LAPTM4B: variants seen among roughly 807,000 people sequenced by gnomAD.
LAPTM4B encodes lysosomal-associated transmembrane protein 4B.
A neutral mutation model predicts 28.5 loss-of-function variants in LAPTM4B; 26 were observed. The observed-to-expected ratio is 0.91, with a 90% CI of 0.67 to 1.27. The LOEUF (loss-of-function observed/expected upper bound fraction) is 1.27, where lower values mean the gene tolerates loss of function less well. LAPTM4B is among the 50% of genes most tolerant of loss of function. LAPTM4B has a pLI of 0.00. For missense variants in LAPTM4B, 288 were observed against 285.8 expected, an observed-to-expected ratio of 1.01 and a Z score of -0.06; for synonymous variants, 109 against 106.4, an observed-to-expected ratio of 1.02 and a Z score of -0.15.
At chr8:97,828,690 G>C (rs1322603415) in intron 6 of LAPTM4B, among the ~76,000 whole-genome samples, 1 of 152,168 alleles carries the variant, frequency 6.6e-6, no homozygotes, top group Non-Finnish European at 1.5e-5. Flanking sequence ...AGCGATTTTG[G>C]AGGACAACTG....
intron 6 of LAPTM4B, among the ~76,000 whole-genome samples, chr8:97,849,918 T>C (rs2129864465): frequency 6.7e-6 from 1 of 149,292 alleles, no homozygotes; most frequent in Non-Finnish European, 1.5e-5. Flanking sequence ...TGGCAGCGCC[T>C]CTCAGGCGGT....
intron 6 of LAPTM4B, among the ~76,000 whole-genome samples, chr8:97,848,988 G>T (rs1281437232): frequency 6.6e-6 from 1 of 152,232 alleles, no homozygotes; most frequent in Non-Finnish European, 1.5e-5. Context: ...GCTGTTGTTA[G>T]ATACTGGCTA....
At chr8:97,780,215 A>G (rs1045353709) in intron 1 of LAPTM4B, among the ~76,000 whole-genome samples, 7 of 151,986 alleles carry the variant, frequency 4.6e-5, no homozygotes, top group East Asian at 3.9e-4. Flanking sequence ...ACCTGAGGTC[A>G]GGAGTTTTGA....
At chr8:97,804,034 A>T (rs1816725998) in intron 1 of LAPTM4B, among the ~76,000 whole-genome samples, 2 of 152,378 alleles carry the variant, frequency 1.3e-5, no homozygotes, top group South Asian at 2.1e-4. Context: ...TGAGAAGAGT[A>T]AAACATAGAA....
intron 1 of LAPTM4B, among the ~76,000 whole-genome samples, chr8:97,782,961 C>T (rs1359712426): frequency 4.1e-5 from 5 of 122,098 alleles, no homozygotes; most frequent in South Asian, 2.5e-4. Flanking sequence ...TTAGTAGAGA[C>T]GGGGTTTCTC....
intron 1 of LAPTM4B, among the ~76,000 whole-genome samples, chr8:97,796,701 A>G (rs958594269): frequency 1.3e-5 from 2 of 152,094 alleles, no homozygotes; most frequent in African/African-American, 4.8e-5. Context: ...GCACTTTGGG[A>G]GGCTGTGGTG....
chr8:97,806,912 C>T lies in LAPTM4B; in HGVS notation c.211+1448C>T, dbSNP rs564476491. The stretch of plus-strand genomic sequence containing the variant: ...GGCGGAGGTTGCAGTGAGCCGAGAT[C>T]GCGCCAGTGCACTTCAGCCTGGGCA... On this transcript the variant is annotated intron_variant, in intron 2 of 6. Coordinates refer to ENST00000521545, the MANE Select transcript of LAPTM4B (RefSeq NM_018407.6). Among the ~76,000 whole-genome samples the T allele has an allele frequency of 1.1e-4, 17 of 152,212 alleles. No individual in the cohort carries two copies. The South Asian group carries it at 1.7e-3, about 15-fold the overall frequency.
At chr8:97,782,910 A>T (rs190757038) in intron 1 of LAPTM4B, among the ~76,000 whole-genome samples, 113 of 132,058 alleles carry the variant, frequency 8.6e-4, no homozygotes, top group Admixed American at 2.3e-3. Flanking sequence ...TTTGTATTTT[A>T]TTTATTTATT....
intron 6 of LAPTM4B, 32 bp downstream of exon 6, chr8:97,825,185 C>A: frequency 8.9e-7 from 1 of 1,125,450 alleles, no homozygotes; most frequent in Non-Finnish European, 1.4e-6. Flanking sequence ...GTAGAGATCT[C>A]GCCCACACCT....
chr8:97,843,557 C>A (rs1817383262), intron 6 of LAPTM4B, among the ~76,000 whole-genome samples: 1 of 152,038 alleles, frequency 6.6e-6, no homozygotes, highest in Non-Finnish European at 1.5e-5. Context: ...GCGAGCAGGT[C>A]ACCTGAGGTT....
intron 1 of LAPTM4B, among the ~76,000 whole-genome samples, chr8:97,782,279 C>CTTTTTTTT (rs34322160): frequency 1.2e-4 from 6 of 50,254 alleles, no homozygotes; most frequent in South Asian, 1.3e-3. Flanking sequence ...CCATGCCCAG[C>CTTTTTTTT]TTTTTTTTTT....
chr8:97,811,173 C>T (rs1013155403), intron 2 of LAPTM4B, among the ~76,000 whole-genome samples: 3 of 152,280 alleles, frequency 2.0e-5, no homozygotes, highest in Admixed American at 6.5e-5. Context: ...ATGTAAATCA[C>T]GCCAACCACT....
intron 2 of LAPTM4B, among the ~76,000 whole-genome samples, chr8:97,811,450 A>T (rs1489267521): frequency 6.6e-6 from 1 of 152,212 alleles, no homozygotes; most frequent in Non-Finnish European, 1.5e-5. Context: ...TATAAGCAAA[A>T]TGGGTGATGA....
At chr8:97,788,120 AGATGGTGGCGCC>A in intron 1 of LAPTM4B, 1 of 158,094 alleles carries the variant, frequency 6.3e-6, no homozygotes. Context: ...CCAACTGTCC[AGATGGTGGCGCC>A]ATTTTCAGCT....
chr8:97,833,878 A>G (rs971368167), intron 6 of LAPTM4B, among the ~76,000 whole-genome samples: 1 of 152,118 alleles, frequency 6.6e-6, no homozygotes, highest in Admixed American at 6.6e-5. Context: ...GTATAAAGAG[A>G]AGCTTTCCCT....
At chr8:97,787,592 T>G (rs1816424366) in intron 1 of LAPTM4B, among the ~76,000 whole-genome samples, 1 of 152,212 alleles carries the variant, frequency 6.6e-6, no homozygotes, top group African/African-American at 2.4e-5. Context: ...CCGATTTCTT[T>G]TAACAGATAC....
intron 6 of LAPTM4B, among the ~76,000 whole-genome samples, chr8:97,848,058 G>A (rs1208356880): frequency 6.6e-6 from 1 of 152,210 alleles, no homozygotes; most frequent in Non-Finnish European, 1.5e-5. Context: ...GAGGGCAGAA[G>A]TTCTGGACCA....
chr8:97,843,120 A>G (rs1269926707), intron 6 of LAPTM4B, among the ~76,000 whole-genome samples: 4 of 151,862 alleles, frequency 2.6e-5, no homozygotes, highest in South Asian at 2.1e-4. Context: ...ACCTCAAGCA[A>G]TTCTCCCGGC....
intron 6 of LAPTM4B, among the ~76,000 whole-genome samples, chr8:97,846,940 C>T (rs1444684948): frequency 3.3e-5 from 5 of 152,084 alleles, no homozygotes; most frequent in Non-Finnish European, 7.4e-5. Flanking sequence ...ATTTTGCAAC[C>T]TTTGATTTAT....
Sources: gnomAD v4.1 joint callset for allele counts (sites outside exome capture counted in the v4.1 genomes callset) on GRCh38, gnomAD v4.1.1 for gene constraint, MANE v1.5 for transcripts, NCBI Gene and HGNC (gene_info 2026-07-23, HGNC 2026-07-21) for gene names.